Variants in SNX30 observed in about 807,000 individuals in gnomAD.
SNX30 encodes sorting nexin family member 30, also known as sorting nexin-30.
A neutral mutation model predicts 46.4 loss-of-function variants in SNX30; 24 were observed. The ratio of observed to expected loss-of-function variants is 0.52; its 90% CI spans 0.37 to 0.73. The LOEUF is 0.73. SNX30 is among the 30% of genes least tolerant of loss of function. SNX30 has a pLI of 0.00. For missense variants in SNX30, 533 were observed against 555.7 expected (o/e 0.96, Z 0.41); for synonymous variants, 189 against 211.5 (o/e 0.89, Z 0.92).
chr9:112,752,541 G>C (rs1163053391), intron 1 of SNX30, among the ~76,000 whole-genome samples: 2 of 152,110 alleles, frequency 1.3e-5, no homozygotes, highest in Admixed American at 6.5e-5. Context: ...GGAGTTCAAG[G>C]CTGCAGTGAG....
intron 1 of SNX30, among the ~76,000 whole-genome samples, chr9:112,770,788 G>A (rs1564262966): frequency 6.6e-6 from 1 of 152,200 alleles, no homozygotes; most frequent in South Asian, 2.1e-4. Context: ...ACGAGGTCAA[G>A]AGATAGAGAC....
chr9:112,787,300 A>G (rs1839945615), intron 1 of SNX30, among the ~76,000 whole-genome samples: 1 of 152,216 alleles, frequency 6.6e-6, no homozygotes. Context: ...ACGGGGAGAA[A>G]AAAATGAAGT....
chr9:112,870,650 T>G lies in SNX30; in HGVS notation c.*1807T>G, dbSNP rs1356503090. ...TAAGAACAACCCATGTACCCCCGAG[T>G]GATTGCATGCTTTATTCTACCTCTA... On this transcript the variant is annotated 3_prime_UTR_variant, in exon 9 of 9. Coordinates refer to ENST00000374232, the MANE Select transcript of SNX30 (RefSeq NM_001012994.2). 6.6e-6 allele frequency: 1 copy of G among 152,170 alleles called. No homozygotes were observed. Among genetic ancestry groups the G allele is most frequent in the African/African-American group, 2.4e-5 (1 of 41,438 alleles). 9.4% of individuals were successfully genotyped at this position (152,170 alleles called of 1,614,324 possible).
At chr9:112,855,394 G>T (rs1841106426) in intron 7 of SNX30, among the ~76,000 whole-genome samples, 1 of 152,152 alleles carries the variant, frequency 6.6e-6, no homozygotes, top group Non-Finnish European at 1.5e-5. Context: ...AGATCCGAGG[G>T]AGTCTGGGGG....
At position 112,805,085 on chromosome 9, in the gene SNX30, A is replaced by C. The variant is rs537987908; in HGVS notation, c.348+118A>C. The C allele has an allele frequency of 5.0e-6, 3 of 601,326 alleles. No individual in the cohort carries two copies. The South Asian group carries it at 1.4e-4, about 28-fold the overall frequency. 37.2% of individuals were successfully genotyped at this position (601,326 alleles called of 1,614,324 possible). The stretch of plus-strand genomic sequence containing the variant: ...GTACAACTCTGTTCACCTTGATTGC[A>C]ATTGTGAGTGTGGCTTCTTGAGAGA... On this transcript the variant is annotated intron_variant, in intron 2 of 8. Coordinates refer to ENST00000374232, the MANE Select transcript of SNX30 (RefSeq NM_001012994.2).
rs1185419082 is a variant in SNX30, at chr9:112,873,850, C to A, written c.*5007C>A. The A allele has an allele frequency of 1.3e-5, 2 of 152,186 alleles. No individual in the cohort carries two copies. The highest frequency in any genetic ancestry group is 3.8e-4 in the East Asian group (2 of 5,196). The allele number at this position is 152,186 out of a possible 1,614,324, so 9.4% of individuals were successfully genotyped here. A position where few individuals can be genotyped will look rare whatever the true frequency, so the allele number is the denominator to read the frequency against. On this transcript the variant is annotated 3_prime_UTR_variant, in exon 9 of 9. Transcript: ENST00000374232. ...GCAGCTTGTTTCAGATAGAAATTCT[C>A]TATGGGTTGAAATGCCAAAAACAGA...
In SNX30 at chr9:112,750,941, G is replaced by T; in HGVS notation, c.-61G>T. Reference sequence around the variant, plus strand: ...CGGGGCTCGGCCCGGGGTGCTCGGGGAGCTCGCCGCGGCGGGCAGCAGGAG... The same window carrying T: ...CGGGGCTCGGCCCGGGGTGCTCGGGTAGCTCGCCGCGGCGGGCAGCAGGAG... On this transcript the variant is annotated 5_prime_UTR_variant, in exon 1 of 9. Transcript: ENST00000374232. 8.5e-7 allele frequency: 1 copy of T among 1,179,914 alleles called. No individual in the cohort carries two copies. Among genetic ancestry groups the T allele is most frequent in the Non-Finnish European group, 1.0e-6 (1 of 955,464 alleles). 73.1% of individuals were successfully genotyped at this position (1,179,914 alleles called of 1,614,324 possible).
chr9:112,832,880 C>CTA (rs890603388), intron 4 of SNX30, among the ~76,000 whole-genome samples: 2 of 144,434 alleles, frequency 1.4e-5, no homozygotes, highest in South Asian at 2.2e-4. Flanking sequence ...TATAAAATAT[C>CTA]TATATATATA....
intron 7 of SNX30, among the ~76,000 whole-genome samples, chr9:112,859,116 CCT>C (rs1564294379): frequency 6.6e-6 from 1 of 152,074 alleles, no homozygotes; most frequent in Non-Finnish European, 1.5e-5. Flanking sequence ...TCTAGAAACC[CCT>C]GTTCTACTTT....
chr9:112,756,060 G>A (rs565919502), intron 1 of SNX30, among the ~76,000 whole-genome samples: 5 of 152,282 alleles, frequency 3.3e-5, no homozygotes, highest in Admixed American at 2.6e-4. Context: ...ATAACAATGT[G>A]TGTATATAAA....
At chr9:112,758,616 G>T (rs546980767) in intron 1 of SNX30, among the ~76,000 whole-genome samples, 1 of 152,130 alleles carries the variant, frequency 6.6e-6, no homozygotes, top group East Asian at 1.9e-4. Context: ...GGTTGGTCTC[G>T]AACTCCTGAG....
rs1460752365 is a variant in SNX30, at chr9:112,870,677, G to A, written c.*1834G>A. On this transcript the variant is annotated 3_prime_UTR_variant, in exon 9 of 9. Coordinates refer to ENST00000374232, the MANE Select transcript of SNX30 (RefSeq NM_001012994.2). ...ATTGCATGCTTTATTCTACCTCTAA[G>A]CCATCGTGTTGACGTGGGTATGGAC... 4.6e-5 allele frequency: 7 copies of A among 152,226 alleles called. No homozygotes were observed. The highest frequency in any genetic ancestry group is 2.9e-5 in the Non-Finnish European group (2 of 68,048). The allele number at this position is 152,226 out of a possible 1,614,324, so 9.4% of individuals were successfully genotyped here.
At chr9:112,783,464 A>G (rs1475785438) in intron 1 of SNX30, among the ~76,000 whole-genome samples, 4 of 152,358 alleles carry the variant, frequency 2.6e-5, no homozygotes, top group African/African-American at 9.6e-5. Context: ...TAATTTCTTT[A>G]TCTTCCCTTC....
intron 8 of SNX30, chr9:112,866,403 T>TG: frequency 2.1e-6 from 1 of 470,098 alleles, no homozygotes; most frequent in Non-Finnish European, 4.4e-6. Context: ...GCAAAGTCCC[T>TG]GGGGCAGGAA....
intron 6 of SNX30, among the ~76,000 whole-genome samples, chr9:112,840,780 A>T (rs11793016): frequency 9.0e-6 from 1 of 111,360 alleles, no homozygotes; most frequent in African/African-American, 3.0e-5. Flanking sequence ...CGCCTGGCTG[A>T]TATTTCTTTT....
At chr9:112,775,119 TATG>T (rs1371677015) in intron 1 of SNX30, among the ~76,000 whole-genome samples, 1 of 151,294 alleles carries the variant, frequency 6.6e-6, no homozygotes, top group Non-Finnish European at 1.5e-5. Context: ...TGATTACAGG[TATG>T]AGCCCCTGTG....
chr9:112,792,021 T>C (rs1427452289), intron 1 of SNX30, among the ~76,000 whole-genome samples: 1 of 152,160 alleles, frequency 6.6e-6, no homozygotes, highest in East Asian at 1.9e-4. Flanking sequence ...TTTATGCTTG[T>C]TCTCAGTTTT....
At chr9:112,850,477 G>A (rs1841004535) in intron 6 of SNX30, among the ~76,000 whole-genome samples, 1 of 152,262 alleles carries the variant, frequency 6.6e-6, no homozygotes, top group Admixed American at 6.5e-5. Context: ...AGAACATCCA[G>A]TGTTGTAGCC....
intron 1 of SNX30, among the ~76,000 whole-genome samples, chr9:112,766,698 A>C (rs1839542821): frequency 1.3e-5 from 2 of 152,142 alleles, no homozygotes; most frequent in South Asian, 4.1e-4. Flanking sequence ...CCTCCTGTAA[A>C]TAGAATTGTC....
Sources: allele counts gnomAD v4.1 joint callset (sites outside exome capture counted in the v4.1 genomes callset), GRCh38; gene constraint gnomAD v4.1.1; transcripts MANE v1.5; gene names NCBI Gene and HGNC (gene_info 2026-07-23, HGNC 2026-07-21).